TSBP1: variants seen among roughly 807,000 people sequenced by gnomAD.
TSBP1 encodes the protein testis-expressed basic protein 1.
In TSBP1, 56 loss-of-function variants were observed where a neutral mutation model predicts 68.8. That is an observed-to-expected ratio of 0.81 (90% confidence interval 0.66 to 1.02). The LOEUF (loss-of-function observed/expected upper bound fraction) is 1.02, where lower values mean the gene tolerates loss of function less well. Ranked by LOEUF, TSBP1 falls within the 50% of genes least tolerant of loss-of-function variation. The probability of loss-of-function intolerance (pLI) is 0.00; values close to 1 mark genes in which losing one functional copy is unlikely to be tolerated. For missense variants in TSBP1, 502 were observed against 641.2 expected (o/e 0.78, Z 2.34); for synonymous variants, 171 against 208.7 (o/e 0.82, Z 1.56).
At chr6:32,359,864 T>C (rs1772793950) in intron 6 of TSBP1, among the ~76,000 whole-genome samples, 1 of 152,112 alleles carries the variant, frequency 6.6e-6, no homozygotes, top group Admixed American at 6.5e-5. Flanking sequence ...GAATTTCTCT[T>C]GACTACTCAG....
In TSBP1 at chr6:32,335,257, T is replaced by A. The variant is rs1483560897; in HGVS notation, c.472+180A>T. On this transcript the variant is annotated intron_variant, in intron 14 of 22. Transcript: ENST00000612031. The surrounding 1 kb of genome is among the most constrained non-coding windows in gnomAD (Gnocchi z 5.5). ...TTTTTCACTTTGCATTTCAGCTTCATAGTTAATATATTTTTATTGCAGAAC... is the reference window on the plus strand; with the variant it reads ...TTTTTCACTTTGCATTTCAGCTTCAAAGTTAATATATTTTTATTGCAGAAC... 4.6e-5 allele frequency among the ~76,000 whole-genome samples: 7 copies of A among 152,254 alleles called. No individual in the cohort carries two copies. The South Asian group carries it at 1.5e-3, about 32-fold the overall frequency.
intron 6 of TSBP1, 92 bp from the exon 7 acceptor site, chr6:32,355,761 C>T (rs1212882964): frequency 1.4e-6 from 2 of 1,418,088 alleles, no homozygotes; most frequent in African/African-American, 2.9e-5. Context: ...AATCAACACC[C>T]TCAAATATCC....
intron 8 of TSBP1, among the ~76,000 whole-genome samples, chr6:32,351,923 G>A (rs912644041): frequency 6.6e-6 from 1 of 152,030 alleles, no homozygotes; most frequent in Non-Finnish European, 1.5e-5. Flanking sequence ...ACTAGTGATA[G>A]ATTCTTATCA....
At position 32,370,194 on chromosome 6, in the gene TSBP1, G is replaced by A. The variant is rs147214077; in HGVS notation, c.14-211C>T. ...TAGCTCTTACATTGGTTCTTTGGTC[G>A]TATACTAAGAACCTCAGATGCTGTG... On this transcript the variant is annotated intron_variant, in intron 1 of 22. Coordinates refer to ENST00000612031, the Ensembl canonical transcript of TSBP1. Among the ~76,000 whole-genome samples the A allele has an allele frequency of 1.1e-3, 163 of 151,318 alleles. 3 individuals are homozygous for A. The East Asian group carries it at 0.03, about 28-fold the overall frequency.
intron 22 of TSBP1, among the ~76,000 whole-genome samples, chr6:32,299,254 T>C (rs1254403803): frequency 6.6e-6 from 1 of 152,186 alleles, no homozygotes; most frequent in Non-Finnish European, 1.5e-5. Context: ...CAGGCAGGCA[T>C]ATGGTAAGAA....
chr6:32,366,535 G>A (rs1419530726), intron 4 of TSBP1: 7 of 491,722 alleles, frequency 1.4e-5, no homozygotes, highest in South Asian at 4.1e-5. Flanking sequence ...AGGCCGAGGC[G>A]GGTGGATCAC....
In TSBP1 at chr6:32,357,891, G is replaced by C. The variant is rs1772523204; in HGVS notation, c.218-2222C>G. 6.6e-6 allele frequency among the ~76,000 whole-genome samples: 1 copy of C among 152,144 alleles called. No homozygotes were observed. Among genetic ancestry groups the C allele is most frequent in the Non-Finnish European group, 1.5e-5 (1 of 68,030 alleles). On this transcript the variant is annotated intron_variant, in intron 6 of 22. Coordinates refer to ENST00000612031, the Ensembl canonical transcript of TSBP1. This position sits in a 1 kb window ranked among gnomAD's most constrained non-coding sequence, Gnocchi z 4.7. ...GGACACGTGTGCTATGATTATATAG[G>C]TTGGCTCACTGCACAAAGGGTTAAG...
intron 14 of TSBP1, among the ~76,000 whole-genome samples, chr6:32,334,386 A>G (rs116123674): frequency 0.019 from 2,956 of 152,204 alleles, 52 homozygotes; most frequent in Non-Finnish European, 0.026. Flanking sequence ...TAATCTCAAT[A>G]TTAGAACTTC....
rs1769488181 is a variant in TSBP1, at chr6:32,335,048, A to C, written c.472+389T>G. ...GACTCCATCTCAAAAAAAATAAAGA[A>C]AGGAAACTTAAAATTTGCATTATTT... On this transcript the variant is annotated intron_variant, in intron 14 of 22. Transcript: ENST00000612031. This position sits in a 1 kb window ranked among gnomAD's most constrained non-coding sequence, Gnocchi z 5.5. Among the ~76,000 whole-genome samples, 1 of 152,132 alleles carries C rather than the reference A, an allele frequency of 6.6e-6. No homozygotes were observed. Among genetic ancestry groups the C allele is most frequent in the Non-Finnish European group, 1.5e-5 (1 of 68,028 alleles).
At chr6:32,369,372 G>GTTTTTTTTTTTTTTTT (rs1430790167) in intron 2 of TSBP1, among the ~76,000 whole-genome samples, 1 of 48,922 alleles carries the variant, frequency 2.0e-5, no homozygotes, top group African/African-American at 6.8e-5. Flanking sequence ...TAAACTCTGT[G>GTTTTTTTTTTTTTTTT]ATTTTTTTTT....
chr6:32,313,046 A>G (rs1488553154), intron 19 of TSBP1, among the ~76,000 whole-genome samples: 5 of 152,194 alleles, frequency 3.3e-5, no homozygotes, highest in African/African-American at 1.2e-4. Context: ...TTTATTAAGG[A>G]CTGCAGGGCC....
chr6:32,295,838 ATTTCTT>A (rs1214606755), intron 22 of TSBP1, among the ~76,000 whole-genome samples: 5 of 143,586 alleles, frequency 3.5e-5, no homozygotes, highest in African/African-American at 1.3e-4. Context: ...TTACAGGAAA[ATTTCTT>A]TTTTTTTTTT....
chr6:32,344,744 A>G (rs548839373), intron 9 of TSBP1, among the ~76,000 whole-genome samples: 3 of 152,282 alleles, frequency 2.0e-5, no homozygotes, highest in African/African-American at 7.2e-5. Flanking sequence ...GCCGAGGCCC[A>G]GAATGACATG....
At chr6:32,320,017 T>C in intron 18 of TSBP1, 1 of 389,098 alleles carries the variant, frequency 2.6e-6, no homozygotes, top group Non-Finnish European at 5.0e-6. Flanking sequence ...TATATTTCTC[T>C]GGGTTGGAAT....
chr6:32,314,462 C>A lies in TSBP1; in HGVS notation c.580+1310G>T, dbSNP rs1343628645. On this transcript the variant is annotated intron_variant, in intron 19 of 22. Coordinates refer to ENST00000612031, the Ensembl canonical transcript of TSBP1. The surrounding 1 kb of genome is among the most constrained non-coding windows in gnomAD (Gnocchi z 4.2). ...TGTTCCCAATTATATGGCCCATGTGCAAACATAGACATCTGGAATTTCCAG... is the reference window on the plus strand; with the variant it reads ...TGTTCCCAATTATATGGCCCATGTGAAAACATAGACATCTGGAATTTCCAG... Among the ~76,000 whole-genome samples, 1 of 152,164 alleles carries A rather than the reference C, an allele frequency of 6.6e-6. No individual in the cohort carries two copies. The highest frequency in any genetic ancestry group is 1.5e-5 in the Non-Finnish European group (1 of 68,038).
intron 6 of TSBP1, among the ~76,000 whole-genome samples, chr6:32,362,567 G>A (rs977622668): frequency 6.6e-6 from 1 of 152,172 alleles, no homozygotes; most frequent in Non-Finnish European, 1.5e-5. Context: ...TCAGATATAT[G>A]GTTTGCAAAT....
chr6:32,302,733 A>T lies in TSBP1; in HGVS notation c.581-104T>A. 2.7e-6 allele frequency: 2 copies of T among 741,816 alleles called. No homozygotes were observed. Among genetic ancestry groups the T allele is most frequent in the South Asian group, 1.8e-5 (1 of 56,712 alleles). 46.0% of individuals were successfully genotyped at this position (741,816 alleles called of 1,614,324 possible). ...CTAGTTGTTTTTTCTAGGGTACCAT[A>T]AAGACTTCTAGCAGAATACAATGAA... On this transcript the variant is annotated intron_variant, in intron 19 of 22. Transcript: ENST00000612031. The surrounding 1 kb of genome is among the most constrained non-coding windows in gnomAD (Gnocchi z 5.1).
In TSBP1 at chr6:32,315,324, A is replaced by G. The variant is rs1307255474; in HGVS notation, c.580+448T>C. On this transcript the variant is annotated intron_variant, in intron 19 of 22. Coordinates refer to ENST00000612031, the Ensembl canonical transcript of TSBP1. The surrounding 1 kb of genome is among the most constrained non-coding windows in gnomAD (Gnocchi z 5.4). The stretch of plus-strand genomic sequence containing the variant: ...ACACCTGTAAACCCAGCACTTTGGG[A>G]GGCCAACGCGGGCGGATCACTTGAG... Among the ~76,000 whole-genome samples the G allele has an allele frequency of 6.6e-6, 1 of 152,104 alleles. No individual in the cohort carries two copies. The highest frequency in any genetic ancestry group is 1.5e-5 in the Non-Finnish European group (1 of 68,000).
rs13437387 is a variant in TSBP1 at position 32,358,509 on chromosome 6, C to T, written c.218-2840G>A. Reference sequence around the variant, plus strand: ...ATACATGTGCCATGTTGGTATGCTGCACCCATTAACTCGTCATTTACATTA... The same window carrying T: ...ATACATGTGCCATGTTGGTATGCTGTACCCATTAACTCGTCATTTACATTA... On this transcript the variant is annotated intron_variant, in intron 6 of 22. Transcript: ENST00000612031. Among the ~76,000 whole-genome samples, 576 of 152,128 alleles carry T rather than the reference C, an allele frequency of 3.8e-3. 2 individuals carry two copies. The highest frequency in any genetic ancestry group is 0.012 in the African/African-American group (504 of 41,482).
Sources: gnomAD v4.1 joint callset for allele counts (sites outside exome capture counted in the v4.1 genomes callset) on GRCh38, gnomAD v4.1.1 for gene constraint, Gnocchi (gnomAD v3.1) non-coding constraint, MANE v1.5 for transcripts, NCBI Gene and HGNC (gene_info 2026-07-23, HGNC 2026-07-21) for gene names.